HIP1: variants seen among roughly 807,000 people sequenced by gnomAD.
The protein encoded by HIP1 is huntingtin-interacting protein 1.
HIP1 carries 65 observed loss-of-function variants against 147.6 expected under a neutral mutation model. The observed-to-expected ratio is 0.44, with a 90% CI of 0.36 to 0.54. HIP1 has a LOEUF of 0.54. HIP1 is among the 20% of genes least tolerant of loss of function. The probability of loss-of-function intolerance (pLI) is 0.00; values close to 1 mark genes in which losing one functional copy is unlikely to be tolerated. For synonymous variants in HIP1, 479 were observed against 504.0 expected (o/e 0.95, Z 0.67); for missense variants, 1,061 against 1,299.6 (o/e 0.82, Z 2.82).
At chr7:75,716,028 G>A (rs1460509038) in intron 1 of HIP1, among the ~76,000 whole-genome samples, 1 of 151,942 alleles carries the variant, frequency 6.6e-6, no homozygotes, top group Non-Finnish European at 1.5e-5. Flanking sequence ...ATGACTGCGG[G>A]GAGGGCACCA....
At position 75,586,775 on chromosome 7, in the gene HIP1, G is replaced by T. The variant is rs1396195227; in HGVS notation, c.443C>A (p.Thr148Asn). 1 of 1,613,126 alleles carries T rather than the reference G, an allele frequency of 6.2e-7. No homozygotes were observed. Among genetic ancestry groups the T allele is most frequent in the Non-Finnish European group, 8.5e-7 (1 of 1,179,358 alleles). The change falls in exon 5 of 31, where the codon ACC becomes AAC. Residue 148 changes from threonine to asparagine, a missense_variant. By Grantham distance (65) the Thr-to-Asn change is moderately conservative. Around this residue, in one of 3 missense-constraint regions of HIP1, gnomAD observed 225 missense variants for 292.9 expected, o/e 0.77. Transcript: ENST00000336926. Reference sequence around the variant, plus strand: ...CACTTTGGTGTGGTACTCCATCTTGGTTCTTAGCAGTTTCAGGTAGATGCT... The same window carrying T: ...CACTTTGGTGTGGTACTCCATCTTGTTTCTTAGCAGTTTCAGGTAGATGCT... ...LCSIYLKLLR[T>N]KMEYHTKNPR...
At chr7:75,624,319 T>C (rs1158412824) in intron 1 of HIP1, among the ~76,000 whole-genome samples, 1 of 152,152 alleles carries the variant, frequency 6.6e-6, no homozygotes, top group Non-Finnish European at 1.5e-5. Context: ...CGGAGGTGGA[T>C]TTCATCATCG....
intron 1 of HIP1, among the ~76,000 whole-genome samples, chr7:75,663,989 T>C (rs782643429): frequency 5.4e-4 from 21 of 38,834 alleles, no homozygotes; most frequent in Middle Eastern, 0.023. Context: ...TATGTGTATA[T>C]ATATACACAT....
intron 28 of HIP1, among the ~76,000 whole-genome samples, chr7:75,542,501 C>T (rs1794365454): frequency 6.6e-6 from 1 of 152,014 alleles, no homozygotes; most frequent in Admixed American, 6.6e-5. Flanking sequence ...GAGTTCGAGA[C>T]CAGCTTGGCT....
intron 7 of HIP1, 28 bp from the exon 8 acceptor site, chr7:75,573,929 T>A: frequency 6.3e-7 from 1 of 1,596,698 alleles, no homozygotes. Context: ...GGGAGAAAGG[T>A]GGTAGAGCCA....
At chr7:75,591,943 A>G (rs762145661) in intron 4 of HIP1, 113 bp downstream of exon 4, 2 of 878,634 alleles carry the variant, frequency 2.3e-6, no homozygotes, top group Non-Finnish European at 3.9e-6. Context: ...CCATGGGAGA[A>G]ATCCTCAACA....
chr7:75,546,809 A>G (rs879977554), intron 25 of HIP1, 130 bp downstream of exon 25: 138 of 653,838 alleles, frequency 2.1e-4, no homozygotes, highest in Non-Finnish European at 3.4e-4. Context: ...CTCTGCTGAT[A>G]TCTACAGGAG....
At chr7:75,710,016 C>A (rs948782743) in intron 1 of HIP1, among the ~76,000 whole-genome samples, 1 of 152,078 alleles carries the variant, frequency 6.6e-6, no homozygotes, top group African/African-American at 2.4e-5. Flanking sequence ...GAACTACAGG[C>A]GCATGCTACC....
At chr7:75,704,075 T>C (rs1800918426) in intron 1 of HIP1, among the ~76,000 whole-genome samples, 2 of 151,978 alleles carry the variant, frequency 1.3e-5, no homozygotes, top group Non-Finnish European at 2.9e-5. Context: ...GAGACAACCA[T>C]AAAATTGTCC....
At chr7:75,574,073 C>A (rs781983775) in intron 7 of HIP1, among the ~76,000 whole-genome samples, 172 bp from the exon 8 acceptor site, 1 of 152,106 alleles carries the variant, frequency 6.6e-6, no homozygotes, top group Non-Finnish European at 1.5e-5. Flanking sequence ...GTAAACGTAT[C>A]CCCATTAAAC....
At chr7:75,727,869 G>C (rs1584983894) in intron 1 of HIP1, among the ~76,000 whole-genome samples, 1 of 149,898 alleles carries the variant, frequency 6.7e-6, no homozygotes, top group South Asian at 2.1e-4. Context: ...AAAAAACTTA[G>C]CAAAATAAAT....
chr7:75,556,577 C>T (rs587681314), intron 17 of HIP1, 133 bp downstream of exon 17: 14 of 637,316 alleles, frequency 2.2e-5, no homozygotes, highest in East Asian at 1.3e-4. Context: ...CCCAGTTACT[C>T]GGGGGGCTAA....
intron 1 of HIP1, chr7:75,626,839 T>G (rs992407945): frequency 6.6e-6 from 1 of 151,824 alleles, no homozygotes; most frequent in South Asian, 2.1e-4. Context: ...TGTTTTTGAC[T>G]TATATAAAAG....
intron 1 of HIP1, among the ~76,000 whole-genome samples, chr7:75,720,010 A>T (rs1554521052): frequency 6.6e-6 from 1 of 152,192 alleles, no homozygotes; most frequent in Non-Finnish European, 1.5e-5. Flanking sequence ...CACACATTAG[A>T]CAACTCCAGG....
At chr7:75,716,753 C>T (rs1801334525) in intron 1 of HIP1, among the ~76,000 whole-genome samples, 1 of 151,590 alleles carries the variant, frequency 6.6e-6, no homozygotes, top group African/African-American at 2.4e-5. Flanking sequence ...ATCTCCTGAC[C>T]TTGTGATCTG....
chr7:75,703,098 C>T (rs1279596886), intron 1 of HIP1, among the ~76,000 whole-genome samples: 2 of 152,176 alleles, frequency 1.3e-5, no homozygotes, highest in Admixed American at 6.6e-5. Context: ...GCCTGTAATC[C>T]GAACACACTG....
rs1554497122 is a variant in HIP1 at position 75,573,818 on chromosome 7, A to G, written c.688T>C (p.Leu230=). Reference sequence around the variant, plus strand: ...TAGTCATAAAGGTGGCTGCAGTCCAAGATGACCTGGATCAGCGGGGCGAGG... The same window carrying G: ...TAGTCATAAAGGTGGCTGCAGTCCAGGATGACCTGGATCAGCGGGGCGAGG... The part of the protein sequence containing the change: ...CRLAPLIQVI[L]DCSHLYDYTV... The change falls in exon 8 of 31, where the codon TTG becomes CTG. Residue 230 remains leucine, a synonymous_variant. Transcript: ENST00000336926. 1.9e-6 allele frequency: 3 copies of G among 1,614,172 alleles called. No homozygotes were observed. Among genetic ancestry groups the G allele is most frequent in the Admixed American group, 3.3e-5 (2 of 60,020 alleles).
chr7:75,595,247 T>TTCCTTCCTTC (rs1563230320), intron 2 of HIP1, among the ~76,000 whole-genome samples: 6 of 82,960 alleles, frequency 7.2e-5, no homozygotes, highest in African/African-American at 3.2e-4. Context: ...TTTCTTTCTT[T>TTCCTTCCTTC]CTTTCTTCCT....
chr7:75,612,790 C>A (rs1554505300), intron 1 of HIP1, among the ~76,000 whole-genome samples: 1 of 151,832 alleles, frequency 6.6e-6, no homozygotes, highest in Non-Finnish European at 1.5e-5. Context: ...GCCTGGGCAA[C>A]AAGAGTGAAA....
Sources: allele counts gnomAD v4.1 joint callset (sites outside exome capture counted in the v4.1 genomes callset), GRCh38; gene constraint gnomAD v4.1.1; regional missense constraint gnomAD v4.1.1; transcripts MANE v1.5; gene names NCBI Gene and HGNC (gene_info 2026-07-23, HGNC 2026-07-21).